The following PACSIN2 variants were observed in gnomAD, a reference collection of about 807,000 sequenced individuals.
The protein encoded by PACSIN2 is protein kinase C and casein kinase substrate in neurons protein 2.
Under a neutral mutation model 63.8 loss-of-function variants are expected in PACSIN2, and 25 were observed. The observed-to-expected ratio is 0.39, with a 90% CI of 0.29 to 0.55. The LOEUF is 0.55. Among genes scored for constraint, PACSIN2 ranks in the 20% least tolerant of loss-of-function variants. PACSIN2 has a pLI of 0.62. For missense variants in PACSIN2, 518 were observed against 646.9 expected (o/e 0.80, Z 2.16); for synonymous variants, 255 against 256.2 (o/e 1.00, Z 0.05).
intron 1 of PACSIN2, among the ~76,000 whole-genome samples, chr22:42,977,618 T>C (rs571144814): frequency 1.3e-5 from 2 of 152,214 alleles, no homozygotes; most frequent in South Asian, 4.1e-4. Context: ...TTAGGCTCTG[T>C]GTCCTCACCC....
intron 2 of PACSIN2, among the ~76,000 whole-genome samples, chr22:42,908,935 T>C (rs57690435): frequency 0.022 from 3,394 of 152,228 alleles, 121 homozygotes; most frequent in African/African-American, 0.079. Context: ...AGCATCTTCT[T>C]TGTGGGAACT....
At chr22:42,942,233 C>T (rs1005845884) in intron 1 of PACSIN2, among the ~76,000 whole-genome samples, 1 of 151,792 alleles carries the variant, frequency 6.6e-6, no homozygotes, top group South Asian at 2.1e-4. Flanking sequence ...AGCCAATGCA[C>T]CCACCCAAGA....
chr22:42,884,287 ACG>A lies in PACSIN2; in HGVS notation c.785+97_785+98del, dbSNP rs555905347. On this transcript the variant is annotated intron_variant, in intron 6 of 10. Coordinates refer to ENST00000263246, the MANE Select transcript of PACSIN2 (RefSeq NM_001184970.3). ...GGGCGGTGAGGAGACCTCCTGATGAACGCGCCATCCCAAACCTGGGAGCAGCA... is the reference window on the plus strand; with the variant it reads ...GGGCGGTGAGGAGACCTCCTGATGAACGCCATCCCAAACCTGGGAGCAGCA... 4.5e-4 allele frequency: 499 copies of A among 1,117,136 alleles called. 2 individuals carry two copies. In the East Asian group the frequency reaches 0.012, roughly 27 times the overall value. 69.2% of individuals were successfully genotyped at this position (1,117,136 alleles called of 1,614,324 possible). A position where few individuals can be genotyped will look rare whatever the true frequency, so the allele number is the denominator to read the frequency against.
chr22:42,990,615 T>C (rs1922976545), intron 1 of PACSIN2, among the ~76,000 whole-genome samples: 1 of 152,114 alleles, frequency 6.6e-6, no homozygotes, highest in African/African-American at 2.4e-5. Context: ...AAGAATGGCA[T>C]TTGCAGTAGA....
At chr22:42,878,275 A>G (rs913921092) in intron 8 of PACSIN2, among the ~76,000 whole-genome samples, 1 of 152,210 alleles carries the variant, frequency 6.6e-6, no homozygotes. Context: ...CTGCCCAGAC[A>G]GCGTGCAAAG....
intron 1 of PACSIN2, among the ~76,000 whole-genome samples, chr22:42,986,753 C>T (rs921623067): frequency 1.3e-5 from 2 of 152,116 alleles, no homozygotes; most frequent in African/African-American, 2.4e-5. Context: ...GGGAACCCCA[C>T]GTGCAAAGAC....
intron 3 of PACSIN2, among the ~76,000 whole-genome samples, chr22:42,892,063 A>G (rs556349793): frequency 6.6e-6 from 1 of 152,338 alleles, no homozygotes; most frequent in African/African-American, 2.4e-5. Flanking sequence ...AGGAAGCAGG[A>G]GCCTGCTCTG....
intron 1 of PACSIN2, among the ~76,000 whole-genome samples, chr22:42,979,605 C>G (rs1233714790): frequency 7.1e-6 from 1 of 140,474 alleles, no homozygotes; most frequent in South Asian, 2.2e-4. Context: ...AGTCAAAAAA[C>G]AAAGAAAGAA....
rs138834734 is a variant in PACSIN2, at chr22:42,923,306, A to C, written c.-77-11149T>G. Among the ~76,000 whole-genome samples the C allele has an allele frequency of 6.6e-5, 10 of 152,366 alleles. No homozygotes were observed. In the East Asian group the frequency reaches 1.9e-3, roughly 29 times the overall value. ...CGGTGACCCTCTCAAAATGCAAGGCAGACCACATTGCTGGTCTTAAGTCCC... is the reference window on the plus strand; with the variant it reads ...CGGTGACCCTCTCAAAATGCAAGGCCGACCACATTGCTGGTCTTAAGTCCC... On this transcript the variant is annotated intron_variant, in intron 1 of 10. Transcript: ENST00000263246.
At chr22:43,014,703 C>T (rs983509730) in intron 1 of PACSIN2, among the ~76,000 whole-genome samples, 6 of 151,958 alleles carry the variant, frequency 3.9e-5, no homozygotes, top group Non-Finnish European at 7.4e-5. Context: ...ACTTCCCTCT[C>T]CAGCAGGCCC....
intron 1 of PACSIN2, among the ~76,000 whole-genome samples, chr22:43,003,064 G>C (rs73179003): frequency 2.0e-5 from 3 of 152,292 alleles, no homozygotes; most frequent in Non-Finnish European, 4.4e-5. Flanking sequence ...TAACAACCTC[G>C]AAGTGTTGCC....
At chr22:42,992,412 G>C (rs527921063) in intron 1 of PACSIN2, among the ~76,000 whole-genome samples, 5 of 152,104 alleles carry the variant, frequency 3.3e-5, no homozygotes, top group African/African-American at 7.2e-5. Flanking sequence ...AACCACCAAA[G>C]CACCTAGCCA....
intron 1 of PACSIN2, among the ~76,000 whole-genome samples, chr22:42,958,651 A>G (rs1934011375): frequency 1.3e-5 from 2 of 152,338 alleles, no homozygotes; most frequent in South Asian, 2.1e-4. Context: ...CAGACATACT[A>G]TATACCTTGG....
intron 1 of PACSIN2, among the ~76,000 whole-genome samples, chr22:42,976,658 A>G (rs1601596323): frequency 6.6e-6 from 1 of 152,240 alleles, no homozygotes; most frequent in East Asian, 1.9e-4. Context: ...ACATAACCAC[A>G]TGGGTTTTCT....
chr22:42,879,185 C>G lies in PACSIN2; in HGVS notation c.907-16G>C. ...CGGACCACTCCTAGGCAACAGGTGCCGAGGGAGAGAAACCAAAGGTTCACT... is the reference window on the plus strand; with the variant it reads ...CGGACCACTCCTAGGCAACAGGTGCGGAGGGAGAGAAACCAAAGGTTCACT... On this transcript the variant is annotated splice_polypyrimidine_tract_variant and intron_variant, in intron 7 of 10. Coordinates refer to ENST00000263246, the MANE Select transcript of PACSIN2 (RefSeq NM_001184970.3). The G allele has an allele frequency of 6.2e-7, 1 of 1,609,802 alleles. No individual in the cohort carries two copies. The highest frequency in any genetic ancestry group is 8.5e-7 in the Non-Finnish European group (1 of 1,177,824).
intron 1 of PACSIN2, among the ~76,000 whole-genome samples, chr22:42,984,128 A>C (rs1350149146): frequency 6.6e-6 from 1 of 151,886 alleles, no homozygotes; most frequent in Non-Finnish European, 1.5e-5. Context: ...GCACCACCAC[A>C]TCTGGCTAAT....
At chr22:42,969,498 A>G (rs1921080590) in intron 1 of PACSIN2, among the ~76,000 whole-genome samples, 1 of 152,194 alleles carries the variant, frequency 6.6e-6, no homozygotes, top group Admixed American at 6.5e-5. Flanking sequence ...GGAAGAACCA[A>G]ATACATTTAA....
At chr22:42,976,739 T>C (rs765678273) in intron 1 of PACSIN2, among the ~76,000 whole-genome samples, 1 of 152,260 alleles carries the variant, frequency 6.6e-6, no homozygotes, top group Non-Finnish European at 1.5e-5. Context: ...AACCCAGGTC[T>C]AATCATTTCA....
In PACSIN2 at chr22:42,967,614, C is replaced by T. The variant is rs983694551; in HGVS notation, c.-78+47407G>A. 4.0e-4 allele frequency among the ~76,000 whole-genome samples: 61 copies of T among 152,156 alleles called. 1 individual carries two copies. Among genetic ancestry groups the T allele is most frequent in the Admixed American group, 3.6e-3 (55 of 15,286 alleles). ...TTAGAAACCCTGCAAATGGGCCGGG[C>T]GCGGTGGCTCACGCCTGTAATCCCA... is the stretch of plus-strand genomic sequence containing the variant. On this transcript the variant is annotated intron_variant, in intron 1 of 10. Transcript: ENST00000263246.
Sources: gnomAD v4.1 joint callset for allele counts (sites outside exome capture counted in the v4.1 genomes callset) on GRCh38, gnomAD v4.1.1 for gene constraint, MANE v1.5 for transcripts, NCBI Gene and HGNC (gene_info 2026-07-23, HGNC 2026-07-21) for gene names.